Variants in GRIN3A observed in about 807,000 individuals in gnomAD.
GRIN3A encodes glutamate receptor ionotropic, NMDA 3A.
Under a neutral mutation model 92.4 loss-of-function variants are expected in GRIN3A, and 47 were observed. The observed-to-expected ratio is 0.51, with a 90% confidence interval of 0.40 to 0.65. The LOEUF (loss-of-function observed/expected upper bound fraction) is 0.65. GRIN3A is among the 30% of genes least tolerant of loss of function. The pLI is 0.00. For synonymous variants in GRIN3A, 527 were observed against 540.6 expected (o/e 0.97, Z 0.35); for missense variants, 1,324 against 1,393.1 (o/e 0.95, Z 0.79).
chr9:101,586,551 G>C (rs533091807), intron 6 of GRIN3A, among the ~76,000 whole-genome samples: 33 of 152,246 alleles, frequency 2.2e-4, no homozygotes, highest in African/African-American at 7.7e-4. Context: ...AGTTTTGCTA[G>C]CCTGACCTGA....
intron 6 of GRIN3A, among the ~76,000 whole-genome samples, chr9:101,601,773 G>C (rs751449382): frequency 2.0e-5 from 3 of 152,088 alleles, no homozygotes; most frequent in Non-Finnish European, 2.9e-5. Flanking sequence ...GTCTGTCTTT[G>C]TGTGATAGAT....
intron 2 of GRIN3A, 61 bp downstream of exon 2, chr9:101,686,535 G>A (rs1045277144): frequency 5.7e-6 from 9 of 1,576,572 alleles, no homozygotes; most frequent in Non-Finnish European, 7.0e-6. Flanking sequence ...GACAGATAGG[G>A]GAATTTTACT....
At chr9:101,675,210 A>T (rs1009881595) in intron 2 of GRIN3A, among the ~76,000 whole-genome samples, 22 of 152,138 alleles carry the variant, frequency 1.4e-4, no homozygotes, top group South Asian at 1.2e-3. Context: ...CATTCTCCTT[A>T]AAAGAATGAG....
intron 6 of GRIN3A, among the ~76,000 whole-genome samples, chr9:101,589,719 G>A (rs1001387780): frequency 8.6e-5 from 13 of 151,920 alleles, no homozygotes; most frequent in African/African-American, 3.1e-4. Context: ...AAAGTTTGAA[G>A]TTTTACACAG....
chr9:101,670,833 A>G lies in GRIN3A; in HGVS notation c.1579T>C (p.Phe527Leu). The change falls in exon 3 of 9, where the codon TTC becomes CTC. Residue 527 changes from phenylalanine to leucine, a missense_variant. Transcript: ENST00000361820. ...VVTLIEHPFV[F>L]TREVDDEGLC... ...CCTTCATCATCTACCTCCCTTGTGA[A>G]GACAAAAGGATGCTCAATCAGGGTA... 1 of 1,613,976 alleles carries G rather than the reference A, an allele frequency of 6.2e-7. No homozygotes were observed. Among genetic ancestry groups the G allele is most frequent in the Non-Finnish European group, 8.5e-7 (1 of 1,179,916 alleles).
chr9:101,585,962 C>T (rs1004039617), intron 6 of GRIN3A, among the ~76,000 whole-genome samples: 19 of 152,146 alleles, frequency 1.2e-4, no homozygotes, highest in African/African-American at 3.6e-4. Context: ...CTTTGCTCAG[C>T]CATTTGGGCT....
At chr9:101,734,761 A>G (rs1344356395) in intron 1 of GRIN3A, among the ~76,000 whole-genome samples, 1 of 151,926 alleles carries the variant, frequency 6.6e-6, no homozygotes, top group African/African-American at 2.4e-5. Context: ...TGCTCTTGCT[A>G]TGAAAGCAAT....
intron 3 of GRIN3A, among the ~76,000 whole-genome samples, chr9:101,643,724 C>G (rs368976015): frequency 6.6e-6 from 1 of 150,732 alleles, no homozygotes; most frequent in Admixed American, 6.7e-5. Flanking sequence ...AGCTCTAACA[C>G]GGAAGGAAAT....
chr9:101,690,341 T>C (rs1251872303), intron 1 of GRIN3A, among the ~76,000 whole-genome samples: 1 of 152,232 alleles, frequency 6.6e-6, no homozygotes, highest in Non-Finnish European at 1.5e-5. Context: ...TCTTCATTTC[T>C]AGTGGAGATG....
At chr9:101,736,485 C>T (rs1438903674) in intron 1 of GRIN3A, among the ~76,000 whole-genome samples, 1 of 151,916 alleles carries the variant, frequency 6.6e-6, no homozygotes, top group Non-Finnish European at 1.5e-5. Context: ...GAAACTAAAT[C>T]ATTTAATTCC....
intron 3 of GRIN3A, among the ~76,000 whole-genome samples, chr9:101,650,934 GAGTT>G (rs1486886915): frequency 2.0e-5 from 3 of 151,946 alleles, no homozygotes; most frequent in African/African-American, 4.8e-5. Flanking sequence ...TCCCAAGAAA[GAGTT>G]AGCCATCCTT....
intron 1 of GRIN3A, among the ~76,000 whole-genome samples, chr9:101,710,142 G>A (rs1345653085): frequency 6.6e-6 from 1 of 152,126 alleles, no homozygotes; most frequent in African/African-American, 2.4e-5. Flanking sequence ...CAGTCTTTAA[G>A]AACAGGAGAG....
At chr9:101,715,778 A>T (rs1829938624) in intron 1 of GRIN3A, among the ~76,000 whole-genome samples, 1 of 152,194 alleles carries the variant, frequency 6.6e-6, no homozygotes, top group African/African-American at 2.4e-5. Flanking sequence ...TGAGCAAAAC[A>T]GTGTAATAGA....
intron 3 of GRIN3A, among the ~76,000 whole-genome samples, chr9:101,642,964 A>T (rs767258219): frequency 3.9e-5 from 6 of 152,176 alleles, no homozygotes; most frequent in Non-Finnish European, 7.3e-5. Flanking sequence ...TGAGTTGTGT[A>T]TCATAATGTA....
At chr9:101,610,342 T>C (rs1444529895) in intron 6 of GRIN3A, among the ~76,000 whole-genome samples, 1 of 152,250 alleles carries the variant, frequency 6.6e-6, no homozygotes, top group Non-Finnish European at 1.5e-5. Flanking sequence ...GTTTGATCAA[T>C]ATAAAAGTTA....
At chr9:101,647,256 G>A (rs1252033661) in intron 3 of GRIN3A, among the ~76,000 whole-genome samples, 3 of 151,946 alleles carry the variant, frequency 2.0e-5, no homozygotes, top group East Asian at 3.9e-4. Flanking sequence ...ATGATCATAT[G>A]TTTTTTGTTC....
intron 6 of GRIN3A, among the ~76,000 whole-genome samples, chr9:101,582,936 A>AT (rs1459368804): frequency 2.0e-5 from 3 of 152,114 alleles, no homozygotes; most frequent in East Asian, 1.9e-4. Context: ...TATATTATAC[A>AT]TTTTTTTCTT....
intron 4 of GRIN3A, 72 bp downstream of exon 4, chr9:101,628,184 A>T: frequency 6.7e-7 from 1 of 1,483,112 alleles, no homozygotes; most frequent in South Asian, 1.1e-5. Flanking sequence ...AAACTAACAT[A>T]TACTGCGTCA....
chr9:101,581,403 C>G (rs1191755794), intron 6 of GRIN3A, among the ~76,000 whole-genome samples: 1 of 152,330 alleles, frequency 6.6e-6, no homozygotes, highest in African/African-American at 2.4e-5. Context: ...ATATGTCCCT[C>G]TCAAACTCAT....
Sources: allele counts gnomAD v4.1 joint callset (sites outside exome capture counted in the v4.1 genomes callset), GRCh38; gene constraint gnomAD v4.1.1; transcripts MANE v1.5; gene names NCBI Gene and HGNC (gene_info 2026-07-23, HGNC 2026-07-21).